Variants in PSMA3 observed in about 807,000 individuals in gnomAD.
The protein encoded by PSMA3 is proteasome subunit alpha type-3.
Under a neutral mutation model 40.0 loss-of-function variants are expected in PSMA3, and 8 were observed. The observed-to-expected ratio is 0.20, with a 90% CI of 0.12 to 0.36. PSMA3 has a LOEUF of 0.36. PSMA3 is among the 10% of genes least tolerant of loss of function. PSMA3 has a pLI of 1.00. For synonymous variants in PSMA3, 110 were observed against 100.0 expected, an observed-to-expected ratio of 1.10 and a Z score of -0.59; for missense variants, 219 against 310.6, an observed-to-expected ratio of 0.70 and a Z score of 2.22.
intron 3 of PSMA3, 53 bp from the exon 4 acceptor site, chr14:58,257,692 T>G: frequency 6.8e-7 from 1 of 1,463,428 alleles, no homozygotes; most frequent in South Asian, 1.2e-5. Context: ...AATTGCAGAC[T>G]TTGATTTGTG....
At chr14:58,270,752 T>C (rs1317623876) in intron 9 of PSMA3, among the ~76,000 whole-genome samples, 182 bp from the exon 10 acceptor site, 1 of 152,230 alleles carries the variant, frequency 6.6e-6, no homozygotes, top group African/African-American at 2.4e-5. Context: ...AAGAACTTAA[T>C]ATGTAGGCAC....
chr14:58,248,833 A>G (rs930186892), intron 2 of PSMA3, among the ~76,000 whole-genome samples: 4 of 151,898 alleles, frequency 2.6e-5, no homozygotes, highest in African/African-American at 9.7e-5. Context: ...GTGTGATGGC[A>G]CACGTCGTAG....
intron 2 of PSMA3, among the ~76,000 whole-genome samples, chr14:58,250,220 CAAA>C (rs10634649): frequency 1.1e-5 from 1 of 93,016 alleles, no homozygotes; most frequent in Non-Finnish European, 2.0e-5. Context: ...ACTCCATCTC[CAAA>C]AAAAAAAAAA....
intron 1 of PSMA3, among the ~76,000 whole-genome samples, chr14:58,247,548 C>T (rs1465708229): frequency 6.6e-6 from 1 of 152,210 alleles, no homozygotes; most frequent in African/African-American, 2.4e-5. Context: ...GTATCCATTA[C>T]TCTTCAATAG....
intron 2 of PSMA3, among the ~76,000 whole-genome samples, chr14:58,249,531 G>C (rs2140079508): frequency 6.6e-6 from 1 of 151,834 alleles, no homozygotes; most frequent in East Asian, 2.0e-4. Context: ...TTGGGGGCAG[G>C]ACATAGGATC....
intron 7 of PSMA3, chr14:58,266,333 A>C (rs1330046217): frequency 1.3e-5 from 2 of 152,238 alleles, no homozygotes; most frequent in African/African-American, 4.8e-5. Context: ...AATCACCTTA[A>C]GTCTAGACTG....
At position 58,257,809 on chromosome 14, in the gene PSMA3, A is replaced by G. The variant is rs1191786162; in HGVS notation, c.293A>G (p.Asn98Ser). The G allele has an allele frequency of 6.2e-7, 1 of 1,613,654 alleles. No homozygotes were observed. Among genetic ancestry groups the G allele is most frequent in the South Asian group, 1.1e-5 (1 of 91,072 alleles). ...GACATAGCAAGAGAAGAAGCTTCCA[A>G]CTTCAGATCTAACTTTGGCTACAAC... ...LADIAREEAS[N>S]FRSNFGYNIP... The change falls in exon 4 of 11, where the codon AAC becomes AGC. Residue 98 changes from asparagine to serine, a missense_variant. Asn to Ser is a conservative substitution (Grantham distance 46). Coordinates refer to ENST00000216455, the MANE Select transcript of PSMA3 (RefSeq NM_002788.4).
In PSMA3 at chr14:58,271,773, T is replaced by C. The variant is rs556703434; in HGVS notation, c.724-78T>C. 3 of 1,001,374 alleles carry C rather than the reference T, an allele frequency of 3.0e-6. No homozygotes were observed. The Admixed American group carries it at 5.8e-5, about 19-fold the overall frequency. The allele number at this position is 1,001,374 out of a possible 1,614,324, so 62.0% of individuals were successfully genotyped here. On this transcript the variant is annotated intron_variant, in intron 10 of 10. Transcript: ENST00000216455. ...GAATTTAACCACTTAATTCAGGTTG[T>C]TGTAGCTTAACTTGCCCACAGGTGT...
At chr14:58,256,024 A>G (rs1194758277) in intron 3 of PSMA3, among the ~76,000 whole-genome samples, 1 of 151,904 alleles carries the variant, frequency 6.6e-6, no homozygotes, top group Non-Finnish European at 1.5e-5. Context: ...AAACCTGACT[A>G]ATTTTTGTAT....
intron 3 of PSMA3, among the ~76,000 whole-genome samples, chr14:58,255,331 C>T (rs564352988): frequency 8.5e-5 from 13 of 152,178 alleles, no homozygotes; most frequent in Admixed American, 6.5e-4. Flanking sequence ...CTGTTCCACA[C>T]TGATTTTTGC....
chr14:58,245,193 A>G (rs747892391), intron 1 of PSMA3: 15 of 529,250 alleles, frequency 2.8e-5, no homozygotes, highest in Admixed American at 2.5e-4. Context: ...TGAGGTTTGG[A>G]GCCGCTTTGG....
intron 1 of PSMA3, 56 bp downstream of exon 1, chr14:58,244,997 A>C: frequency 6.2e-7 from 1 of 1,612,872 alleles, no homozygotes; most frequent in Admixed American, 1.7e-5. Context: ...GGTTGAAGGG[A>C]ACTCGGACAG....
In PSMA3 at chr14:58,270,432, A is replaced by C; in HGVS notation, c.605A>C (p.His202Pro). The C allele has an allele frequency of 1.2e-6, 2 of 1,613,682 alleles. No homozygotes were observed. The highest frequency in any genetic ancestry group is 1.7e-6 in the Non-Finnish European group (2 of 1,179,758). ...KEVAKIIYIVHDEVKDKAFEL... is the reference protein window; with the variant it reads ...KEVAKIIYIVPDEVKDKAFEL... ...TTCTATTCTAGAATTTACATAGTAC[A>C]TGACGAAGTTAAGGATAAAGCTTTT... is the stretch of plus-strand genomic sequence containing the variant. The change falls in exon 9 of 11, where the codon CAT becomes CCT. Residue 202 changes from histidine to proline, a missense_variant. Transcript: ENST00000216455.
At chr14:58,255,606 T>G (rs1353556599) in intron 3 of PSMA3, among the ~76,000 whole-genome samples, 1 of 152,146 alleles carries the variant, frequency 6.6e-6, no homozygotes, top group Non-Finnish European at 1.5e-5. Context: ...CTGTCTCTAC[T>G]AAAAACACAA....
chr14:58,270,739 C>T (rs970771700), intron 9 of PSMA3, among the ~76,000 whole-genome samples, 195 bp from the exon 10 acceptor site: 1 of 152,058 alleles, frequency 6.6e-6, no homozygotes, highest in African/African-American at 2.4e-5. Context: ...CTTTCATTTC[C>T]ATAAGAACTT....
At chr14:58,271,020 T>A in intron 10 of PSMA3, 22 bp downstream of exon 10, 1 of 1,570,628 alleles carries the variant, frequency 6.4e-7, no homozygotes. Flanking sequence ...CACAAAAACT[T>A]CTCTTGGCCA....
At chr14:58,261,818 G>C (rs967189068) in intron 6 of PSMA3, among the ~76,000 whole-genome samples, 2 of 151,996 alleles carry the variant, frequency 1.3e-5, no homozygotes, top group South Asian at 4.1e-4. Context: ...GTCTTTCCAC[G>C]TTCCCAGGGC....
At chr14:58,267,689 A>C (rs1218944695) in intron 8 of PSMA3, 169 bp downstream of exon 8, 12 of 1,202,736 alleles carry the variant, frequency 1.0e-5, no homozygotes, top group Non-Finnish European at 1.3e-5. Flanking sequence ...AAATGTTTTT[A>C]AGCAATATTT....
intron 6 of PSMA3, among the ~76,000 whole-genome samples, chr14:58,261,277 G>C (rs997253950): frequency 6.6e-6 from 1 of 151,546 alleles, no homozygotes; most frequent in Non-Finnish European, 1.5e-5. Context: ...CTGCCTCCCA[G>C]GTTCAAACAG....
Sources: gnomAD v4.1 joint callset for allele counts (sites outside exome capture counted in the v4.1 genomes callset) on GRCh38, gnomAD v4.1.1 for gene constraint, MANE v1.5 for transcripts, NCBI Gene and HGNC (gene_info 2026-07-23, HGNC 2026-07-21) for gene names.